STRBP: variants seen among roughly 807,000 people sequenced by gnomAD.
STRBP encodes spermatid perinuclear RNA binding protein, also known as spermatid perinuclear RNA-binding protein.
STRBP carries 13 observed loss-of-function variants against 80.1 expected under a neutral mutation model. The ratio of observed to expected loss-of-function variants is 0.16; its 90% CI spans 0.11 to 0.26. The LOEUF (loss-of-function observed/expected upper bound fraction) is 0.26, where lower values mean the gene tolerates loss of function less well. Ranked by LOEUF, STRBP falls within the 10% of genes least tolerant of loss-of-function variation. The pLI, the probability that STRBP is intolerant of heterozygous loss-of-function variation, is 1.00. For synonymous variants in STRBP, 284 were observed against 291.2 expected, an observed-to-expected ratio of 0.98 and a Z score of 0.25; for missense variants, 485 against 815.2, an observed-to-expected ratio of 0.59 and a Z score of 4.93.
Position 123,217,665 on chromosome 9 carries a change from T to A in STRBP, c.-165+19165A>T, listed in dbSNP as rs141978340. ...AGTTAAACCTCCCTTAAAACTATAA[T>A]TAGCTACTAGTTAGGTTATTTTCAA... On this transcript the variant is annotated intron_variant, in intron 2 of 18. Coordinates refer to ENST00000348403, the MANE Select transcript of STRBP (RefSeq NM_018387.5). Among the ~76,000 whole-genome samples the A allele has an allele frequency of 3.1e-3, 471 of 152,330 alleles. 5 individuals carry two copies. The highest frequency in any genetic ancestry group is 0.02 in the Middle Eastern group (6 of 294).
At chr9:123,174,356 T>C (rs1352495846) in intron 4 of STRBP, among the ~76,000 whole-genome samples, 1 of 152,230 alleles carries the variant, frequency 6.6e-6, no homozygotes, top group Non-Finnish European at 1.5e-5. Context: ...GAGGATTGTT[T>C]GAGCCCAGGA....
chr9:123,224,558 C>T (rs946487081), intron 2 of STRBP, among the ~76,000 whole-genome samples: 11 of 152,310 alleles, frequency 7.2e-5, no homozygotes, highest in African/African-American at 2.6e-4. Context: ...GCATTTACTA[C>T]GTGTTCTAGG....
intron 2 of STRBP, among the ~76,000 whole-genome samples, chr9:123,234,084 C>A (rs1458440493): frequency 2.0e-5 from 3 of 151,534 alleles, no homozygotes; most frequent in Non-Finnish European, 4.4e-5. Context: ...GCCTGTAGTC[C>A]CAGCTACTCA....
At chr9:123,165,411 A>G (rs2037712612) in intron 6 of STRBP, among the ~76,000 whole-genome samples, 1 of 152,112 alleles carries the variant, frequency 6.6e-6, no homozygotes, top group African/African-American at 2.4e-5. Flanking sequence ...GACCCTAGCA[A>G]GACACATGCT....
At chr9:123,222,250 G>T (rs2040090854) in intron 2 of STRBP, among the ~76,000 whole-genome samples, 1 of 150,984 alleles carries the variant, frequency 6.6e-6, no homozygotes. Context: ...GCCTGTGGTA[G>T]CCTTTACAAG....
intron 13 of STRBP, among the ~76,000 whole-genome samples, chr9:123,146,573 ACCAACATACTAGATACAAATACG>A (rs1380656863): frequency 2.0e-5 from 3 of 148,936 alleles, no homozygotes; most frequent in African/African-American, 7.5e-5. Context: ...TGGGAAATAA[ACCAACATACTAGATACAAATACG>A]AATGATCTTT....
intron 1 of STRBP, among the ~76,000 whole-genome samples, chr9:123,263,115 T>C (rs1299493192): frequency 1.3e-5 from 2 of 152,138 alleles, no homozygotes; most frequent in Non-Finnish European, 2.9e-5. Context: ...AAAGGACCTA[T>C]GCAAAACAAA....
At chr9:123,211,653 T>C (rs2039712628) in intron 2 of STRBP, among the ~76,000 whole-genome samples, 1 of 152,242 alleles carries the variant, frequency 6.6e-6, no homozygotes, top group African/African-American at 2.4e-5. Context: ...AATTAAGTTT[T>C]GGTCTTCCTG....
intron 1 of STRBP, among the ~76,000 whole-genome samples, chr9:123,245,353 G>T (rs1170867946): frequency 6.6e-6 from 1 of 152,204 alleles, no homozygotes; most frequent in Non-Finnish European, 1.5e-5. Flanking sequence ...TCCTCAAGGT[G>T]AAATCCAAGC....
chr9:123,177,577 A>G (rs1233454367), intron 4 of STRBP, among the ~76,000 whole-genome samples: 1 of 152,182 alleles, frequency 6.6e-6, no homozygotes, highest in Non-Finnish European at 1.5e-5. Context: ...CTCTAAAAAA[A>G]TAAAAATAAA....
intron 5 of STRBP, among the ~76,000 whole-genome samples, chr9:123,171,456 C>A (rs1245690884): frequency 6.6e-6 from 1 of 152,142 alleles, no homozygotes; most frequent in Non-Finnish European, 1.5e-5. Flanking sequence ...GTTTTCCACA[C>A]AAACACCATG....
chr9:123,140,460 G>A (rs546953052), intron 13 of STRBP, among the ~76,000 whole-genome samples: 8 of 152,216 alleles, frequency 5.3e-5, no homozygotes, highest in African/African-American at 9.6e-5. Flanking sequence ...TGGGTGTGGC[G>A]GTGCATGCCT....
intron 1 of STRBP, among the ~76,000 whole-genome samples, chr9:123,267,266 C>T (rs997625177): frequency 1.3e-5 from 2 of 151,800 alleles, no homozygotes; most frequent in African/African-American, 2.4e-5. Flanking sequence ...CTGATCCCAC[C>T]TTCTTCCATA....
intron 2 of STRBP, among the ~76,000 whole-genome samples, chr9:123,221,703 T>C (rs1198811860): frequency 2.0e-5 from 3 of 152,186 alleles, no homozygotes; most frequent in Non-Finnish European, 4.4e-5. Flanking sequence ...ACGCTCCACA[T>C]TCTGATTTCT....
chr9:123,185,177 T>C (rs1313903405), intron 2 of STRBP, among the ~76,000 whole-genome samples: 2 of 152,070 alleles, frequency 1.3e-5, no homozygotes, highest in African/African-American at 2.4e-5. Flanking sequence ...TTACATACCA[T>C]ATATCGTATA....
intron 1 of STRBP, among the ~76,000 whole-genome samples, chr9:123,263,681 A>G (rs887243686): frequency 6.6e-6 from 1 of 152,212 alleles, no homozygotes; most frequent in Admixed American, 6.5e-5. Flanking sequence ...ATTACCTGTC[A>G]AAGCATACGG....
At chr9:123,241,690 C>T (rs1205274347) in intron 1 of STRBP, among the ~76,000 whole-genome samples, 2 of 152,128 alleles carry the variant, frequency 1.3e-5, no homozygotes, top group African/African-American at 4.8e-5. Context: ...AGAACACATC[C>T]TGTTGACTCT....
chr9:123,218,960 C>T (rs566925211), intron 2 of STRBP, among the ~76,000 whole-genome samples: 8 of 152,048 alleles, frequency 5.3e-5, no homozygotes, highest in African/African-American at 7.3e-5. Flanking sequence ...TTCCAATTCA[C>T]GGATGAGGAA....
chr9:123,214,911 A>AT (rs1271575437), intron 2 of STRBP, among the ~76,000 whole-genome samples: 1 of 152,142 alleles, frequency 6.6e-6, no homozygotes, highest in African/African-American at 2.4e-5. Context: ...GGGCATATAG[A>AT]TTGCTTCGCA....
Sources: gnomAD v4.1 joint callset for allele counts (sites outside exome capture counted in the v4.1 genomes callset) on GRCh38, gnomAD v4.1.1 for gene constraint, MANE v1.5 for transcripts, NCBI Gene and HGNC (gene_info 2026-07-23, HGNC 2026-07-21) for gene names.